Variants in SPAG16 observed in about 807,000 individuals in gnomAD.
SPAG16 encodes sperm-associated antigen 16 protein.
In SPAG16, 86 loss-of-function variants were observed where a neutral mutation model predicts 80.4. The ratio of observed to expected loss-of-function variants is 1.07; its 90% CI spans 0.90 to 1.28. The LOEUF (loss-of-function observed/expected upper bound fraction) is 1.28. Among genes scored for constraint, SPAG16 ranks in the 50% most tolerant of loss-of-function variants. The pLI is 0.00. For synonymous variants in SPAG16, 294 were observed against 265.9 expected (o/e 1.11, Z -1.03); for missense variants, 870 against 765.3 (o/e 1.14, Z -1.61).
intron 13 of SPAG16, among the ~76,000 whole-genome samples, chr2:214,101,854 T>C (rs13387383): frequency 0.32 from 49,241 of 152,042 alleles, 8,229 homozygotes; most frequent in African/African-American, 0.34. Flanking sequence ...ATGCTTTAGG[T>C]ATGTAATAAA....
At chr2:214,256,654 C>T (rs893758934) in intron 15 of SPAG16, among the ~76,000 whole-genome samples, 4 of 151,894 alleles carry the variant, frequency 2.6e-5, no homozygotes, top group African/African-American at 7.2e-5. Flanking sequence ...ACAACAACAA[C>T]AACAAGAACA....
intron 13 of SPAG16, 62 bp downstream of exon 13, chr2:214,014,139 T>C: frequency 1.9e-6 from 3 of 1,590,286 alleles, no homozygotes; most frequent in Non-Finnish European, 2.6e-6. Context: ...TCGGTCATTC[T>C]TTGGGTATGG....
chr2:214,320,793 T>C (rs561180522), intron 15 of SPAG16, among the ~76,000 whole-genome samples: 40 of 152,342 alleles, frequency 2.6e-4, no homozygotes, highest in South Asian at 1.0e-3. Context: ...ATGAAGATTA[T>C]GTGGATGACA....
chr2:213,356,208 C>CT (rs1175614022), intron 7 of SPAG16, among the ~76,000 whole-genome samples: 2 of 152,028 alleles, frequency 1.3e-5, no homozygotes, highest in Non-Finnish European at 2.9e-5. Context: ...CTAAAATTCT[C>CT]TTTTTTTGTT....
At chr2:214,274,280 C>A (rs551081538) in intron 15 of SPAG16, among the ~76,000 whole-genome samples, 12 of 152,254 alleles carry the variant, frequency 7.9e-5, no homozygotes, top group Non-Finnish European at 1.6e-4. Context: ...ATTGAATACC[C>A]TTTATTTCTT....
chr2:213,492,475 G>A (rs1048098514), intron 10 of SPAG16, among the ~76,000 whole-genome samples: 1 of 151,916 alleles, frequency 6.6e-6, no homozygotes, highest in African/African-American at 2.4e-5. Flanking sequence ...GCATGAACCC[G>A]GGAGGTGGAG....
intron 13 of SPAG16, among the ~76,000 whole-genome samples, chr2:214,079,237 G>T (rs1043045281): frequency 6.6e-6 from 1 of 152,082 alleles, no homozygotes; most frequent in South Asian, 2.1e-4. Context: ...TCAGAAGGCA[G>T]TGTTTAGCTT....
intron 15 of SPAG16, among the ~76,000 whole-genome samples, chr2:214,278,747 A>G (rs1692668184): frequency 6.6e-6 from 1 of 152,204 alleles, no homozygotes; most frequent in South Asian, 2.1e-4. Context: ...GCCACGGTGA[A>G]TGCAAACAAA....
At chr2:213,285,864 G>T in intron 1 of SPAG16, 1 of 1,287,404 alleles carries the variant, frequency 7.8e-7, no homozygotes, top group African/African-American at 1.5e-5. Flanking sequence ...CTTTAACAAC[G>T]ATTTTCATAA....
intron 10 of SPAG16, among the ~76,000 whole-genome samples, chr2:213,781,875 C>T (rs955827618): frequency 2.6e-5 from 4 of 152,126 alleles, no homozygotes; most frequent in African/African-American, 9.7e-5. Flanking sequence ...ATTTAAATTA[C>T]TGTTTAAGAT....
Position 213,688,800 on chromosome 2 carries a change from A to G in SPAG16, c.1071-173685A>G, listed in dbSNP as rs2064807195. Among the ~76,000 whole-genome samples the G allele has an allele frequency of 3.3e-5, 5 of 152,018 alleles. No homozygotes were observed. In the South Asian group the frequency reaches 1.0e-3, roughly 32 times the overall value. ...CCTCCAAATTAATTTTTCTCCTGCA[A>G]TCTCTAATCTGCTTCCATCTAGTAA... On this transcript the variant is annotated intron_variant, in intron 10 of 15. Coordinates refer to ENST00000331683, the MANE Select transcript of SPAG16 (RefSeq NM_024532.5).
intron 14 of SPAG16, among the ~76,000 whole-genome samples, chr2:214,126,513 T>C (rs2054505008): frequency 6.6e-6 from 1 of 151,770 alleles, no homozygotes; most frequent in African/African-American, 2.4e-5. Context: ...GACACAACCC[T>C]ATTCATATAT....
At chr2:213,838,302 G>T (rs1038892319) in intron 10 of SPAG16, among the ~76,000 whole-genome samples, 1 of 152,136 alleles carries the variant, frequency 6.6e-6, no homozygotes, top group Non-Finnish European at 1.5e-5. Flanking sequence ...TTCCCAAGTA[G>T]CTGGGATTAT....
chr2:213,919,795 A>T (rs1182426476), intron 11 of SPAG16, among the ~76,000 whole-genome samples: 1 of 152,146 alleles, frequency 6.6e-6, no homozygotes, highest in Admixed American at 6.5e-5. Flanking sequence ...AGTTCTGTAG[A>T]TATCTATCAG....
intron 15 of SPAG16, among the ~76,000 whole-genome samples, chr2:214,233,279 C>A (rs1688828746): frequency 6.6e-6 from 1 of 151,664 alleles, no homozygotes; most frequent in African/African-American, 2.4e-5. Context: ...GTTTGCTTTA[C>A]AATAACACAT....
intron 15 of SPAG16, among the ~76,000 whole-genome samples, chr2:214,267,504 G>T (rs1240375179): frequency 2.0e-5 from 3 of 151,688 alleles, no homozygotes; most frequent in Admixed American, 6.6e-5. Context: ...CTCAAAGCAG[G>T]TTAAAGCCTT....
intron 9 of SPAG16, among the ~76,000 whole-genome samples, chr2:213,449,596 T>C (rs2071565261): frequency 1.3e-5 from 2 of 152,148 alleles, no homozygotes; most frequent in South Asian, 4.1e-4. Context: ...GGCTGACACT[T>C]ATGGAAAATA....
chr2:213,540,986 T>A (rs909019636), intron 10 of SPAG16, among the ~76,000 whole-genome samples: 5 of 152,264 alleles, frequency 3.3e-5, no homozygotes, highest in Non-Finnish European at 7.3e-5. Context: ...TGCACGCAGG[T>A]GCACTCGTAG....
chr2:213,626,641 ATTTTTT>A (rs10582370), intron 10 of SPAG16, among the ~76,000 whole-genome samples: 1 of 98,980 alleles, frequency 1.0e-5, no homozygotes, highest in Non-Finnish European at 1.9e-5. Context: ...ATCGGGCTCA[ATTTTTT>A]TTTTTTTTTT....
Sources: gnomAD v4.1 joint callset for allele counts (sites outside exome capture counted in the v4.1 genomes callset) on GRCh38, gnomAD v4.1.1 for gene constraint, MANE v1.5 for transcripts, NCBI Gene and HGNC (gene_info 2026-07-23, HGNC 2026-07-21) for gene names.